Variants in KCNMA1 observed in about 807,000 individuals in gnomAD.
KCNMA1 encodes the protein potassium calcium-activated channel subfamily M alpha 1.
A neutral mutation model predicts 140.0 loss-of-function variants in KCNMA1; 29 were observed. The observed-to-expected ratio is 0.21, with a 90% CI of 0.15 to 0.28. The LOEUF is 0.28. Among genes scored for constraint, KCNMA1 ranks in the 10% least tolerant of loss-of-function variants. The pLI is 1.00. For synonymous variants in KCNMA1, 612 were observed against 611.9 expected (o/e 1.00, Z 0.00); for missense variants, 880 against 1,602.2 (o/e 0.55, Z 7.70).
intron 2 of KCNMA1, among the ~76,000 whole-genome samples, chr10:77,392,637 C>T (rs2095874501): frequency 6.6e-6 from 1 of 152,204 alleles, no homozygotes; most frequent in South Asian, 2.1e-4. Context: ...GCAGGTGCTC[C>T]AGAATGTTTG....
At chr10:77,550,601 C>G (rs528301000) in intron 1 of KCNMA1, among the ~76,000 whole-genome samples, 1 of 152,206 alleles carries the variant, frequency 6.6e-6, no homozygotes, top group Admixed American at 6.5e-5. Flanking sequence ...CTGGAGCAGG[C>G]GTCTCGGCAG....
chr10:77,636,919 C>T lies in KCNMA1; in HGVS notation c.378+346G>A, dbSNP rs2093807144. The T allele has an allele frequency of 6.3e-6, 9 of 1,419,990 alleles. No homozygotes were observed. The Middle Eastern group carries it at 7.8e-4, about 123-fold the overall frequency. The allele number at this position is 1,419,990 out of a possible 1,614,324, so 88.0% of individuals were successfully genotyped here. The stretch of plus-strand genomic sequence containing the variant: ...CCAGCTGCCCCCAGCTTCCTCCGTC[C>T]CCGCTGAGTTGGCTGTCCCCACCCC... On this transcript the variant is annotated intron_variant, in intron 1 of 27. Transcript: ENST00000286628.
intron 19 of KCNMA1, among the ~76,000 whole-genome samples, chr10:76,989,935 ATC>A (rs1333903598): frequency 1.3e-5 from 2 of 152,186 alleles, no homozygotes; most frequent in Non-Finnish European, 2.9e-5. Flanking sequence ...GGTCAAGTTC[ATC>A]TCTGTTTCTT....
chr10:77,590,048 CAG>C (rs1413691885), intron 1 of KCNMA1, among the ~76,000 whole-genome samples: 2 of 152,104 alleles, frequency 1.3e-5, no homozygotes, highest in Non-Finnish European at 2.9e-5. Flanking sequence ...TAGCTAGATA[CAG>C]AGTGTCCACT....
rs917097186 is a variant in KCNMA1, at chr10:77,232,894, T to C, written c.602+18301A>G. On this transcript the variant is annotated intron_variant, in intron 3 of 27. Coordinates refer to ENST00000286628, the MANE Select transcript of KCNMA1 (RefSeq NM_001161352.2). ...CTAGTTATCCCAGCACCATTTTTTTTTTTTTTTTTTGAGACAGGGTCTCAC... is the reference window on the plus strand; with the variant it reads ...CTAGTTATCCCAGCACCATTTTTTTCTTTTTTTTTTGAGACAGGGTCTCAC... Among the ~76,000 whole-genome samples the C allele has an allele frequency of 4.7e-4, 71 of 151,656 alleles. No homozygotes were observed. The South Asian group carries it at 0.014, about 31-fold the overall frequency.
At chr10:77,060,175 C>T (rs2095686967) in intron 14 of KCNMA1, among the ~76,000 whole-genome samples, 1 of 149,646 alleles carries the variant, frequency 6.7e-6, no homozygotes, top group Admixed American at 6.7e-5. Context: ...CCAATCAAAA[C>T]ACAGGAGGAA....
chr10:77,197,649 G>A (rs923131732), intron 3 of KCNMA1, among the ~76,000 whole-genome samples: 3 of 152,176 alleles, frequency 2.0e-5, no homozygotes, highest in Non-Finnish European at 2.9e-5. Context: ...TGCTCACCAC[G>A]TTCAGGGCCA....
intron 23 of KCNMA1, among the ~76,000 whole-genome samples, chr10:76,921,005 G>T (rs543501250): frequency 1.3e-5 from 2 of 152,228 alleles, no homozygotes; most frequent in Non-Finnish European, 2.9e-5. Context: ...ATCTTCCCTA[G>T]TTAAATCCCT....
At chr10:76,992,500 T>A (rs557436457) in intron 19 of KCNMA1, among the ~76,000 whole-genome samples, 1 of 152,196 alleles carries the variant, frequency 6.6e-6, no homozygotes, top group Non-Finnish European at 1.5e-5. Context: ...GAGGGTCCCC[T>A]GACTATCCAG....
At chr10:77,101,489 TG>T (rs1203553636) in intron 9 of KCNMA1, among the ~76,000 whole-genome samples, 6 of 152,240 alleles carry the variant, frequency 3.9e-5, no homozygotes, top group Non-Finnish European at 5.9e-5. Context: ...TATTGGGGCC[TG>T]TGTTTCCTTC....
chr10:77,308,810 C>T (rs1007629266), intron 2 of KCNMA1, among the ~76,000 whole-genome samples: 1 of 152,174 alleles, frequency 6.6e-6, no homozygotes, highest in South Asian at 2.1e-4. Context: ...CCCTGAGATA[C>T]CCAGCTACAG....
chr10:77,446,094 GAAACCTCTC>G (rs2097524768), intron 1 of KCNMA1, among the ~76,000 whole-genome samples: 1 of 93,040 alleles, frequency 1.1e-5, no homozygotes, highest in African/African-American at 4.3e-5. Context: ...CTCTCTCCCT[GAAACCTCTC>G]TTCAAAGAGA....
intron 12 of KCNMA1, among the ~76,000 whole-genome samples, chr10:77,084,258 T>C (rs896241165): frequency 2.6e-5 from 4 of 152,124 alleles, no homozygotes; most frequent in Non-Finnish European, 4.4e-5. Context: ...TTGCAAAATG[T>C]CCCCTGGGGG....
At chr10:76,897,265 T>C (rs1000306150) in intron 25 of KCNMA1, among the ~76,000 whole-genome samples, 2 of 150,208 alleles carry the variant, frequency 1.3e-5, no homozygotes, top group Non-Finnish European at 3.0e-5. Flanking sequence ...TGTCCTGAGC[T>C]GGGAAATGAA....
At chr10:77,038,288 C>A (rs1349709470) in intron 15 of KCNMA1, among the ~76,000 whole-genome samples, 1 of 152,074 alleles carries the variant, frequency 6.6e-6, no homozygotes, top group Non-Finnish European at 1.5e-5. Context: ...TGTGGTAAAG[C>A]CTGATCAGTT....
At chr10:77,120,175 A>T (rs2097564913) in intron 6 of KCNMA1, among the ~76,000 whole-genome samples, 2 of 152,238 alleles carry the variant, frequency 1.3e-5, no homozygotes, top group Non-Finnish European at 2.9e-5. Flanking sequence ...GTAATTTCCT[A>T]GAAGAGAAAT....
intron 19 of KCNMA1, among the ~76,000 whole-genome samples, chr10:76,989,045 C>T (rs1221479500): frequency 6.6e-6 from 1 of 152,062 alleles, no homozygotes; most frequent in African/African-American, 2.4e-5. Context: ...GAGGGCAGGG[C>T]CATTTGTAGA....
At chr10:77,265,434 C>G (rs1169789771) in intron 2 of KCNMA1, among the ~76,000 whole-genome samples, 2 of 152,132 alleles carry the variant, frequency 1.3e-5, no homozygotes, top group African/African-American at 2.4e-5. Flanking sequence ...TGCTTTTAAC[C>G]TTATTTATAA....
chr10:77,105,852 T>G (rs2097188835), intron 9 of KCNMA1, among the ~76,000 whole-genome samples: 1 of 152,202 alleles, frequency 6.6e-6, no homozygotes, highest in African/African-American at 2.4e-5. Flanking sequence ...CTAAAGACCT[T>G]ATATTGCTAA....
Sources: allele counts gnomAD v4.1 joint callset (sites outside exome capture counted in the v4.1 genomes callset), GRCh38; gene constraint gnomAD v4.1.1; transcripts MANE v1.5; gene names NCBI Gene and HGNC (gene_info 2026-07-23, HGNC 2026-07-21).